NLGN4X: variants seen among roughly 807,000 people sequenced by gnomAD.
NLGN4X encodes neuroligin-4, X-linked.
In NLGN4X, 3 loss-of-function variants were observed where a neutral mutation model predicts 40.3. The ratio of observed to expected loss-of-function variants is 0.07; its 90% confidence interval spans 0.03 to 0.19. The LOEUF (loss-of-function observed/expected upper bound fraction) is 0.19. NLGN4X is among the 10% of genes least tolerant of loss of function. The pLI is 1.00. For missense variants in NLGN4X, 382 were observed against 708.3 expected, an observed-to-expected ratio of 0.54 and a Z score of 5.23; for synonymous variants, 270 against 306.8, an observed-to-expected ratio of 0.88 and a Z score of 1.25.
At chrX:5,954,622 C>CTG (rs1555928183) in intron 3 of NLGN4X, among the ~76,000 whole-genome samples, 4 of 94,627 alleles carry the variant, frequency 4.2e-5, no homozygotes, top group African/African-American at 1.3e-4. Context: ...GTCTCTGTCT[C>CTG]TCTCTGTCTC....
chrX:6,108,201 G>A (rs2039072885), intron 2 of NLGN4X, among the ~76,000 whole-genome samples: 1 of 112,157 alleles, frequency 8.9e-6, no homozygotes, highest in African/African-American at 3.2e-5. Context: ...GAATGTGACA[G>A]GTGTGTAGCC....
intron 3 of NLGN4X, among the ~76,000 whole-genome samples, chrX:6,017,094 C>T (rs937444014): frequency 8.1e-5 from 9 of 111,151 alleles, no homozygotes; most frequent in East Asian, 5.6e-4. Context: ...CAAACGTGCA[C>T]GCTGGATGTA....
At chrX:6,174,774 CAG>C (rs2040685602) in intron 1 of NLGN4X, among the ~76,000 whole-genome samples, 1 of 111,362 alleles carries the variant, frequency 9.0e-6, no homozygotes, top group Non-Finnish European at 1.9e-5. Context: ...GCAATAGGCA[CAG>C]GGGACTACTA....
At chrX:5,908,291 T>C (rs1287947127) in intron 4 of NLGN4X, among the ~76,000 whole-genome samples, 1 of 110,485 alleles carries the variant, frequency 9.1e-6, no homozygotes, top group South Asian at 3.9e-4. Context: ...CAGAATCTAC[T>C]TCTAAATGAA....
At chrX:6,008,003 T>C (rs903261587) in intron 3 of NLGN4X, among the ~76,000 whole-genome samples, 2 of 111,922 alleles carry the variant, frequency 1.8e-5, no homozygotes, top group African/African-American at 6.5e-5. Context: ...GTTTAGTTTG[T>C]TTATATGCTC....
At chrX:5,985,352 T>C (rs763603138) in intron 3 of NLGN4X, among the ~76,000 whole-genome samples, 3 of 111,890 alleles carry the variant, frequency 2.7e-5, no homozygotes, top group Non-Finnish European at 3.8e-5. Flanking sequence ...CTTGAACTCA[T>C]GGGATCAGAC....
At chrX:6,217,005 G>A (rs1011589911) in intron 1 of NLGN4X, among the ~76,000 whole-genome samples, 1 of 111,682 alleles carries the variant, frequency 9.0e-6, no homozygotes, top group East Asian at 2.8e-4. Context: ...TGGTCTCAAA[G>A]TCCTGGGCTC....
intron 2 of NLGN4X, among the ~76,000 whole-genome samples, chrX:6,052,687 A>G (rs1361166152): frequency 2.7e-5 from 3 of 112,165 alleles, no homozygotes; most frequent in Non-Finnish European, 5.6e-5. Flanking sequence ...TGCCTTTCCC[A>G]ACTGTTTTTG....
chrX:6,107,212 G>A (rs766203715), intron 2 of NLGN4X, among the ~76,000 whole-genome samples: 2 of 111,903 alleles, frequency 1.8e-5, no homozygotes, highest in South Asian at 3.7e-4. Context: ...TATTCCAGCC[G>A]CTCTTGTGGT....
At chrX:6,159,383 T>A (rs1211875064) in intron 1 of NLGN4X, among the ~76,000 whole-genome samples, 1 of 112,189 alleles carries the variant, frequency 8.9e-6, no homozygotes, top group Non-Finnish European at 1.9e-5. Context: ...CAAATACACA[T>A]TTTGATACAC....
At chrX:5,897,490 C>G (rs1374311728) in intron 5 of NLGN4X, among the ~76,000 whole-genome samples, 2 of 111,694 alleles carry the variant, frequency 1.8e-5, no homozygotes, top group African/African-American at 6.5e-5. Context: ...CTCAATCTAC[C>G]TTATTTCTAC....
At chrX:6,162,417 G>A (rs1347423017) in intron 1 of NLGN4X, among the ~76,000 whole-genome samples, 1 of 111,623 alleles carries the variant, frequency 9.0e-6, no homozygotes, top group Non-Finnish European at 1.9e-5. Flanking sequence ...CTTAATCTGG[G>A]TGGGCACCAT....
At chrX:6,130,023 C>T (rs2039646299) in intron 2 of NLGN4X, among the ~76,000 whole-genome samples, 1 of 109,378 alleles carries the variant, frequency 9.1e-6, no homozygotes, top group Admixed American at 9.8e-5. Context: ...GTAACTGAGA[C>T]TACAGGTACG....
intron 2 of NLGN4X, among the ~76,000 whole-genome samples, chrX:6,039,181 T>A (rs911694701): frequency 9.0e-6 from 1 of 111,396 alleles, no homozygotes; most frequent in Non-Finnish European, 1.9e-5. Context: ...TGATGTGCTG[T>A]TTCCAAGACT....
At chrX:6,059,870 A>C (rs2037727157) in intron 2 of NLGN4X, among the ~76,000 whole-genome samples, 1 of 111,769 alleles carries the variant, frequency 8.9e-6, no homozygotes, top group African/African-American at 3.2e-5. Flanking sequence ...CATGGCATGA[A>C]ACCTGTTTTC....
At chrX:5,917,924 G>A (rs1285912138) in intron 3 of NLGN4X, among the ~76,000 whole-genome samples, 6 of 111,744 alleles carry the variant, frequency 5.4e-5, no homozygotes, top group Admixed American at 4.8e-4. Context: ...TTGCATAAAG[G>A]GGGTATGTAT....
chrX:5,890,870 A>T lies in NLGN4X; in HGVS notation c.*1947T>A. ...TTCTAGAGGTCACTCTCAAACACTG[A>T]TATATCACTATAGTTTGAGTGTAGG... On this transcript the variant is annotated 3_prime_UTR_variant, in exon 6 of 6. Coordinates refer to ENST00000381095, the MANE Select transcript of NLGN4X (RefSeq NM_181332.3). 3.1e-6 allele frequency: 1 copy of T among 323,413 alleles called. No homozygotes were observed. The highest frequency in any genetic ancestry group is 5.9e-6 in the Non-Finnish European group (1 of 168,434). The allele number at this position is 323,413 out of a possible 1,213,427, so 26.7% of individuals were successfully genotyped here. A position where few individuals can be genotyped will look rare whatever the true frequency, so the allele number is the denominator to read the frequency against.
intron 2 of NLGN4X, among the ~76,000 whole-genome samples, chrX:6,030,951 T>C (rs766683100): frequency 1.8e-5 from 2 of 111,963 alleles, no homozygotes; most frequent in South Asian, 3.7e-4. Flanking sequence ...AAAGAGTAAG[T>C]AGAGATTTTG....
intron 2 of NLGN4X, among the ~76,000 whole-genome samples, chrX:6,108,527 A>AAAT (rs1569242084): frequency 4.0e-4 from 44 of 109,281 alleles, no homozygotes; most frequent in African/African-American, 1.4e-3. Flanking sequence ...AATAAATAAA[A>AAAT]AATTGGCTGG....
Sources: gnomAD v4.1 joint callset for allele counts (sites outside exome capture counted in the v4.1 genomes callset) on GRCh38, gnomAD v4.1.1 for gene constraint, MANE v1.5 for transcripts, NCBI Gene and HGNC (gene_info 2026-07-23, HGNC 2026-07-21) for gene names.